TCP11: variants seen among roughly 807,000 people sequenced by gnomAD.
The protein encoded by TCP11 is t-complex 11, also known as T-complex protein 11 homolog.
Under a neutral mutation model 45.0 loss-of-function variants are expected in TCP11, and 34 were observed. The observed-to-expected ratio is 0.76, with a 90% CI of 0.57 to 1.01. TCP11 has a LOEUF of 1.01. Ranked by LOEUF, TCP11 falls within the 50% of genes least tolerant of loss-of-function variation. The pLI is 0.00. For synonymous variants in TCP11, 227 were observed against 227.0 expected, an observed-to-expected ratio of 1.00 and a Z score of 0.00; for missense variants, 523 against 598.1, an observed-to-expected ratio of 0.87 and a Z score of 1.31.
At chr6:35,126,716 T>G (rs1779867533) in intron 4 of TCP11, among the ~76,000 whole-genome samples, 2 of 142,094 alleles carry the variant, frequency 1.4e-5, no homozygotes, top group Non-Finnish European at 3.0e-5. Context: ...TGGGGCACAG[T>G]GACACAATCA....
intron 2 of TCP11, among the ~76,000 whole-genome samples, chr6:35,138,343 A>G (rs982845379): frequency 6.6e-6 from 1 of 152,252 alleles, no homozygotes; most frequent in Non-Finnish European, 1.5e-5. Flanking sequence ...ACCTGTGTCC[A>G]TCAACAGACA....
chr6:35,139,781 C>T (rs1781509081), intron 2 of TCP11, among the ~76,000 whole-genome samples: 2 of 151,996 alleles, frequency 1.3e-5, no homozygotes, highest in Non-Finnish European at 2.9e-5. Flanking sequence ...GAGGAGAGCT[C>T]AAAGAGAAAT....
chr6:35,140,751 AG>A lies in TCP11; in HGVS notation c.119del (p.Pro40LeufsTer9), dbSNP rs764190947. Reference sequence around the variant, plus strand: ...GGACTGCCGAGCTGGACCTACAGGGAGGGGGGTCCTCGGAGCCGCTCTTGTC... The same window carrying A: ...GGACTGCCGAGCTGGACCTACAGGGAGGGGGTCCTCGGAGCCGCTCTTGTC... ...QEDKSGSEDP[P>X]PFLSVTGLTE... On this transcript the variant is annotated frameshift_variant, in exon 2 of 10. Coordinates refer to ENST00000311875, the MANE Select transcript of TCP11 (RefSeq NM_001370687.1). LOFTEE classifies it high-confidence loss of function. 6 of 1,525,460 alleles carry A rather than the reference AG, an allele frequency of 3.9e-6. No homozygotes were observed. Among genetic ancestry groups the A allele is most frequent in the East Asian group, 2.3e-5 (1 of 44,248 alleles). The allele number at this position is 1,525,460 out of a possible 1,614,324, so 94.5% of individuals were successfully genotyped here.
At position 35,141,215 on chromosome 6, in the gene TCP11, C is replaced by T. The variant is rs777564493; in HGVS notation, c.-25G>A. 4.3e-6 allele frequency: 6 copies of T among 1,406,312 alleles called. No individual in the cohort carries two copies. In the South Asian group the frequency reaches 7.6e-5, roughly 18 times the overall value. 87.1% of individuals were successfully genotyped at this position (1,406,312 alleles called of 1,614,324 possible). A position where few individuals can be genotyped will look rare whatever the true frequency, so the allele number is the denominator to read the frequency against. ...CTCCCAGGCCGTCACCTCCTCCTCC[C>T]CCGCCGCGGGTCATCCACTGGCGTC... On this transcript the variant is annotated 5_prime_UTR_variant, in exon 1 of 10. Coordinates refer to ENST00000311875, the MANE Select transcript of TCP11 (RefSeq NM_001370687.1).
chr6:35,125,804 TATA>T (rs1377540112), intron 4 of TCP11, among the ~76,000 whole-genome samples: 1 of 152,342 alleles, frequency 6.6e-6, no homozygotes, highest in African/African-American at 2.4e-5. Flanking sequence ...ATTCTATCCA[TATA>T]ATAAGAATAT....
chr6:35,140,950 C>G, intron 1 of TCP11, 66 bp from the exon 2 acceptor site: 1 of 1,455,630 alleles, frequency 6.9e-7, no homozygotes, highest in South Asian at 1.5e-5. Context: ...CCAAGGGGGT[C>G]CCTGGGGGCG....
intron 2 of TCP11, chr6:35,140,331 C>T (rs1481915969): frequency 2.5e-6 from 2 of 813,206 alleles, no homozygotes; most frequent in East Asian, 3.4e-5. Flanking sequence ...ACACCCACTA[C>T]AGAACCGAGC....
At chr6:35,140,960 G>T (rs1031374385) in intron 1 of TCP11, 76 bp from the exon 2 acceptor site, 1 of 1,441,956 alleles carries the variant, frequency 6.9e-7, no homozygotes, top group Non-Finnish European at 9.2e-7. Context: ...CCCTGGGGGC[G>T]GCGGGAAGGG....
Position 35,122,118 on chromosome 6 carries a change from T to G in TCP11, c.577A>C (p.Arg193=). 3.7e-6 allele frequency: 6 copies of G among 1,614,102 alleles called. No individual in the cohort carries two copies. Among genetic ancestry groups the G allele is most frequent in the Non-Finnish European group, 5.1e-6 (6 of 1,180,006 alleles). ...ENITDPVWLL[R]GIFQVLGRMK... ...TGGGGGCAGTATCAAGTTTCATACCTCAGTAGCCAAACAGGATCCGTAATG... is the reference window on the plus strand; with the variant it reads ...TGGGGGCAGTATCAAGTTTCATACCGCAGTAGCCAAACAGGATCCGTAATG... The change falls in exon 5 of 10, where the codon AGA becomes CGA. Residue 193 remains arginine (R), a splice_region_variant and synonymous_variant. Coordinates refer to ENST00000311875, the MANE Select transcript of TCP11 (RefSeq NM_001370687.1).
At chr6:35,123,303 A>G (rs1274221538) in intron 4 of TCP11, among the ~76,000 whole-genome samples, 1 of 152,200 alleles carries the variant, frequency 6.6e-6, no homozygotes. Flanking sequence ...CCTTAAACAC[A>G]TGCAAACTTG....
Position 35,120,432 on chromosome 6 carries a change from A to G in TCP11, c.930T>C (p.Pro310=). 1 of 1,591,388 alleles carries G rather than the reference A, an allele frequency of 6.3e-7. No homozygotes were observed. Among genetic ancestry groups the G allele is most frequent in the Non-Finnish European group, 8.6e-7 (1 of 1,168,568 alleles). ...CAATGCCCCCAGACATTCCTACCTC[A>G]GGGAACTCTTCATTTTCAAGGTCCC... ...LLWDLENEEF[P]ETLLMDRTRL... is the part of the protein sequence containing the mutation. The change falls in exon 7 of 10, where the codon CCT becomes CCC. Residue 310 remains proline, a synonymous_variant. Transcript: ENST00000311875. The surrounding 1 kb of genome is among the most constrained non-coding windows in gnomAD (Gnocchi z 4.9).
At position 35,141,213 on chromosome 6, in the gene TCP11, C is replaced by A; in HGVS notation, c.-23G>T. Reference sequence around the variant, plus strand: ...GGCTCCCAGGCCGTCACCTCCTCCTCCCCCGCCGCGGGTCATCCACTGGCG... The same window carrying A: ...GGCTCCCAGGCCGTCACCTCCTCCTACCCCGCCGCGGGTCATCCACTGGCG... On this transcript the variant is annotated 5_prime_UTR_variant, in exon 1 of 10. Transcript: ENST00000311875. The A allele has an allele frequency of 8.6e-7, 1 of 1,162,632 alleles. No homozygotes were observed. Among genetic ancestry groups the A allele is most frequent in the Non-Finnish European group, 1.1e-6 (1 of 899,980 alleles). 72.0% of individuals were successfully genotyped at this position (1,162,632 alleles called of 1,614,324 possible). A position where few individuals can be genotyped will look rare whatever the true frequency, so the allele number is the denominator to read the frequency against.
chr6:35,139,495 CCT>C (rs1465936011), intron 2 of TCP11, among the ~76,000 whole-genome samples: 1 of 152,192 alleles, frequency 6.6e-6, no homozygotes, highest in Non-Finnish European at 1.5e-5. Flanking sequence ...ATTTCTGCAG[CCT>C]CTCTGAAGTC....
intron 3 of TCP11, among the ~76,000 whole-genome samples, chr6:35,133,225 G>C (rs1350620000): frequency 6.6e-6 from 1 of 151,856 alleles, no homozygotes; most frequent in Non-Finnish European, 1.5e-5. Context: ...TGCCTGGGCT[G>C]GAGTGCAGTA....
intron 4 of TCP11, among the ~76,000 whole-genome samples, chr6:35,127,707 G>C (rs531229796): frequency 6.8e-4 from 104 of 152,250 alleles, no homozygotes; most frequent in South Asian, 2.9e-3. Context: ...AGTGAAACTG[G>C]CTGAATTTGA....
At chr6:35,121,136 G>T in intron 5 of TCP11, 91 bp from the exon 6 acceptor site, 1 of 1,399,774 alleles carries the variant, frequency 7.1e-7, no homozygotes, top group South Asian at 1.8e-5. Context: ...GTTAGGAGGG[G>T]CTTAAGACTA....
intron 8 of TCP11, 68 bp from the exon 9 acceptor site, chr6:35,119,459 G>GCTGTATA: frequency 6.4e-7 from 1 of 1,555,226 alleles, no homozygotes; most frequent in Non-Finnish European, 8.7e-7. Flanking sequence ...GGCCCAGCAT[G>GCTGTATA]CTGTATACCA....
At chr6:35,127,125 C>T (rs926665222) in intron 4 of TCP11, among the ~76,000 whole-genome samples, 3 of 152,170 alleles carry the variant, frequency 2.0e-5, no homozygotes, top group African/African-American at 4.8e-5. Flanking sequence ...GTGTGAAATA[C>T]TTGCATTGGT....
chr6:35,140,987 G>A (rs1289813681), intron 1 of TCP11, 103 bp from the exon 2 acceptor site: 7 of 1,388,328 alleles, frequency 5.0e-6, no homozygotes, highest in Non-Finnish European at 5.7e-6. Context: ...CGGCCTCAGG[G>A]TCTTGGGGGT....
Sources: allele counts gnomAD v4.1 joint callset (sites outside exome capture counted in the v4.1 genomes callset), GRCh38; gene constraint gnomAD v4.1.1; non-coding constraint Gnocchi (gnomAD v3.1); transcripts MANE v1.5; gene names NCBI Gene and HGNC (gene_info 2026-07-23, HGNC 2026-07-21).